The following CA10 variants were observed in gnomAD, a reference collection of about 807,000 sequenced individuals.
The protein encoded by CA10 is carbonic anhydrase 10 (inactive).
A neutral mutation model predicts 44.2 loss-of-function variants in CA10; 14 were observed. That is an observed-to-expected ratio of 0.32 (90% CI 0.21 to 0.50). The LOEUF (loss-of-function observed/expected upper bound fraction) is 0.50, where lower values mean the gene tolerates loss of function less well. Ranked by LOEUF, CA10 falls within the 20% of genes least tolerant of loss-of-function variation. The probability of loss-of-function intolerance (pLI) is 0.99; values close to 1 mark genes in which losing one functional copy is unlikely to be tolerated. For missense variants in CA10, 350 were observed against 409.7 expected (o/e 0.85, Z 1.26); for synonymous variants, 159 against 141.6 (o/e 1.12, Z -0.87).
intron 2 of CA10, among the ~76,000 whole-genome samples, chr17:51,998,499 C>A (rs1985313830): frequency 6.6e-6 from 1 of 152,024 alleles, no homozygotes; most frequent in Non-Finnish European, 1.5e-5. Flanking sequence ...ATTAGAGCAC[C>A]ATCCCTTTTT....
chr17:51,764,788 G>T (rs578187516), intron 3 of CA10, among the ~76,000 whole-genome samples: 2 of 152,258 alleles, frequency 1.3e-5, no homozygotes, highest in South Asian at 2.1e-4. Flanking sequence ...CACATTTCTT[G>T]ATTAAGAACC....
intron 4 of CA10, among the ~76,000 whole-genome samples, chr17:51,662,629 G>A (rs1429296979): frequency 6.6e-6 from 1 of 152,170 alleles, no homozygotes; most frequent in African/African-American, 2.4e-5. Context: ...AGCACACACA[G>A]TCTGCAGAGA....
chr17:51,661,479 T>C (rs540135364), intron 4 of CA10: 2 of 152,338 alleles, frequency 1.3e-5, no homozygotes, highest in Admixed American at 1.3e-4. Context: ...GGGATAGTAA[T>C]AATTCATAAC....
intron 1 of CA10, 112 bp from the exon 2 acceptor site, chr17:52,072,505 G>T: frequency 2.9e-6 from 2 of 678,520 alleles, no homozygotes; most frequent in Non-Finnish European, 5.1e-6. Flanking sequence ...CTACCCCAAA[G>T]TCATACTACA....
chr17:51,849,792 G>T (rs181710125), intron 3 of CA10, among the ~76,000 whole-genome samples: 1 of 152,268 alleles, frequency 6.6e-6, no homozygotes, highest in Non-Finnish European at 1.5e-5. Flanking sequence ...CGGGAAATGG[G>T]CAATGAGATA....
intron 2 of CA10, among the ~76,000 whole-genome samples, chr17:52,006,434 C>T (rs906538553): frequency 6.6e-6 from 1 of 151,824 alleles, no homozygotes; most frequent in Non-Finnish European, 1.5e-5. Context: ...CAAATGTTAA[C>T]ACTTACCATT....
chr17:51,797,565 A>G (rs1906760879), intron 3 of CA10, among the ~76,000 whole-genome samples: 1 of 152,126 alleles, frequency 6.6e-6, no homozygotes, highest in South Asian at 2.1e-4. Flanking sequence ...CCTTAAAAAG[A>G]AAGGAAGAGG....
intron 1 of CA10, among the ~76,000 whole-genome samples, chr17:52,086,396 C>T (rs1054565316): frequency 3.9e-5 from 6 of 152,230 alleles, no homozygotes; most frequent in African/African-American, 1.4e-4. Context: ...ACTTCAAAGG[C>T]CGCTATGCTG....
chr17:52,030,292 T>C lies in CA10; in HGVS notation c.136+42027A>G, dbSNP rs556545458. ...CTTTTAAAGATCATGCCGTAGGGCCTGTTGACCTTTCTCTCTTAACGATGA... is the reference window on the plus strand; with the variant it reads ...CTTTTAAAGATCATGCCGTAGGGCCCGTTGACCTTTCTCTCTTAACGATGA... On this transcript the variant is annotated intron_variant, in intron 2 of 8. Coordinates refer to ENST00000451037, the MANE Select transcript of CA10 (RefSeq NM_020178.5). Among the ~76,000 whole-genome samples the C allele has an allele frequency of 9.2e-5, 14 of 152,330 alleles. No homozygotes were observed. The South Asian group carries it at 2.9e-3, about 32-fold the overall frequency.
intron 2 of CA10, among the ~76,000 whole-genome samples, chr17:52,058,205 T>A (rs185680351): frequency 2.0e-5 from 3 of 152,128 alleles, no homozygotes; most frequent in Non-Finnish European, 2.9e-5. Context: ...CTCAGAAGGA[T>A]CAGGAACTCA....
intron 3 of CA10, among the ~76,000 whole-genome samples, chr17:51,849,176 CATAT>C (rs1567860251): frequency 1.3e-5 from 1 of 78,070 alleles, no homozygotes. Context: ...TATATATATA[CATAT>C]ATGTATATAT....
intron 4 of CA10, among the ~76,000 whole-genome samples, chr17:51,730,976 A>G (rs1916692477): frequency 6.6e-6 from 1 of 151,972 alleles, no homozygotes; most frequent in African/African-American, 2.4e-5. Context: ...GTTGTTATAG[A>G]CCAATCTCCT....
chr17:51,668,232 G>A (rs1364185488), intron 4 of CA10, among the ~76,000 whole-genome samples: 1 of 152,176 alleles, frequency 6.6e-6, no homozygotes. Flanking sequence ...ACAGAGTGGT[G>A]GCATGCATGC....
intron 3 of CA10, among the ~76,000 whole-genome samples, chr17:51,757,349 T>G (rs1905104326): frequency 6.6e-6 from 1 of 152,154 alleles, no homozygotes; most frequent in Non-Finnish European, 1.5e-5. Flanking sequence ...ACACACAGAT[T>G]AGCAAACTTA....
chr17:51,958,745 A>G (rs556378990), intron 2 of CA10, among the ~76,000 whole-genome samples: 1 of 152,310 alleles, frequency 6.6e-6, no homozygotes, highest in Admixed American at 6.5e-5. Flanking sequence ...AATATTCATG[A>G]TGTAAAAACA....
At chr17:51,793,729 G>T (rs1236594828) in intron 3 of CA10, among the ~76,000 whole-genome samples, 5 of 152,340 alleles carry the variant, frequency 3.3e-5, no homozygotes, top group Non-Finnish European at 4.4e-5. Flanking sequence ...GTAGAGGAGA[G>T]ACAATTTCTT....
At chr17:51,720,067 T>A (rs146416578) in intron 4 of CA10, among the ~76,000 whole-genome samples, 3 of 152,286 alleles carry the variant, frequency 2.0e-5, no homozygotes, top group Non-Finnish European at 4.4e-5. Flanking sequence ...ATAATTGTGG[T>A]ATAATAAGAA....
chr17:51,649,117 C>T, intron 6 of CA10, 65 bp downstream of exon 6: 1 of 1,180,214 alleles, frequency 8.5e-7, no homozygotes, highest in Non-Finnish European at 1.3e-6. Context: ...GTTCTGGCTT[C>T]CCGCCTTCAG....
chr17:52,106,806 C>T (rs1227872454), intron 1 of CA10, among the ~76,000 whole-genome samples: 1 of 152,030 alleles, frequency 6.6e-6, no homozygotes, highest in Non-Finnish European at 1.5e-5. Context: ...ATTGAAAGCC[C>T]ACGGCTCAGA....
Sources: allele counts gnomAD v4.1 joint callset (sites outside exome capture counted in the v4.1 genomes callset), GRCh38; gene constraint gnomAD v4.1.1; transcripts MANE v1.5; gene names NCBI Gene and HGNC (gene_info 2026-07-23, HGNC 2026-07-21).